SCAPER: variants seen among roughly 807,000 people sequenced by gnomAD.
SCAPER encodes the protein S-phase cyclin A associated protein in the ER.
Under a neutral mutation model 182.2 loss-of-function variants are expected in SCAPER, and 98 were observed. The ratio of observed to expected loss-of-function variants is 0.54; its 90% CI spans 0.46 to 0.64. SCAPER has a LOEUF of 0.64. Among genes scored for constraint, SCAPER ranks in the 30% least tolerant of loss-of-function variants. The pLI, the probability that SCAPER is intolerant of heterozygous loss-of-function variation, is 0.00. For missense variants in SCAPER, 1,432 were observed against 1,690.0 expected, an observed-to-expected ratio of 0.85 and a Z score of 2.68; for synonymous variants, 605 against 564.6, an observed-to-expected ratio of 1.07 and a Z score of -1.01.
chr15:76,849,921 A>AG (rs2070552620), intron 4 of SCAPER, among the ~76,000 whole-genome samples: 1 of 152,186 alleles, frequency 6.6e-6, no homozygotes, highest in African/African-American at 2.4e-5. Flanking sequence ...GGCAGGACAG[A>AG]GTGAGTGCCA....
At chr15:76,602,935 G>T (rs1597612771) in intron 22 of SCAPER, among the ~76,000 whole-genome samples, 3 of 92,150 alleles carry the variant, frequency 3.3e-5, no homozygotes, top group Non-Finnish European at 5.2e-5. Flanking sequence ...TTTAATTTGA[G>T]CTCATTTATT....
chr15:76,472,809 A>G (rs2143003596), intron 24 of SCAPER, among the ~76,000 whole-genome samples: 1 of 152,308 alleles, frequency 6.6e-6, no homozygotes, highest in Admixed American at 6.5e-5. Context: ...GACTCCCAGG[A>G]GGAGGGATTC....
chr15:76,751,137 A>T (rs913765258), intron 15 of SCAPER, among the ~76,000 whole-genome samples: 4 of 151,866 alleles, frequency 2.6e-5, no homozygotes, highest in African/African-American at 9.7e-5. Context: ...CATTAACAAT[A>T]GCACCAAAAA....
intron 27 of SCAPER, among the ~76,000 whole-genome samples, chr15:76,392,293 T>G (rs536489545): frequency 3.2e-4 from 48 of 152,322 alleles, no homozygotes; most frequent in African/African-American, 1.1e-3. Context: ...AAATGTGTTA[T>G]AATGAATACA....
At chr15:76,904,817 T>C (rs1325752711) in intron 1 of SCAPER, 1 of 152,272 alleles carries the variant, frequency 6.6e-6, no homozygotes, top group East Asian at 1.9e-4. Context: ...AGGGAAAGCA[T>C]GGTAAACCCC....
intron 27 of SCAPER, 36 bp from the exon 28 acceptor site, chr15:76,381,651 A>G (rs1293035353): frequency 1.3e-6 from 2 of 1,492,446 alleles, no homozygotes; most frequent in Non-Finnish European, 1.8e-6. Flanking sequence ...GAGAAAAACT[A>G]CTTAATGGAT....
At chr15:76,583,367 A>G (rs1225854417) in intron 22 of SCAPER, among the ~76,000 whole-genome samples, 3 of 151,710 alleles carry the variant, frequency 2.0e-5, no homozygotes, top group African/African-American at 7.3e-5. Context: ...AAAAAAAAAA[A>G]ACTTGAGTGT....
chr15:76,903,504 G>A (rs2152636324), intron 1 of SCAPER, among the ~76,000 whole-genome samples: 1 of 152,264 alleles, frequency 6.6e-6, no homozygotes, highest in South Asian at 2.1e-4. Context: ...GCCAGAGAGA[G>A]ACCCCTTCAC....
intron 23 of SCAPER, among the ~76,000 whole-genome samples, chr15:76,517,973 G>A (rs1303168453): frequency 2.0e-5 from 3 of 152,088 alleles, no homozygotes; most frequent in Non-Finnish European, 2.9e-5. Context: ...ACTATCACAA[G>A]TAAATAAAAA....
chr15:76,798,482 C>A (rs1178089705), intron 7 of SCAPER, among the ~76,000 whole-genome samples: 2 of 150,226 alleles, frequency 1.3e-5, no homozygotes, highest in Non-Finnish European at 3.0e-5. Flanking sequence ...GAGAAAGGGG[C>A]AGAAAAAAAA....
chr15:76,689,031 G>C (rs1474188242), intron 20 of SCAPER, among the ~76,000 whole-genome samples: 1 of 151,690 alleles, frequency 6.6e-6, no homozygotes, highest in Non-Finnish European at 1.5e-5. Flanking sequence ...TGTATTTTTA[G>C]TAGAGACAGG....
At chr15:76,678,002 T>G (rs548152453) in intron 20 of SCAPER, among the ~76,000 whole-genome samples, 1 of 152,028 alleles carries the variant, frequency 6.6e-6, no homozygotes, top group Admixed American at 6.6e-5. Flanking sequence ...TCAAGTGTTG[T>G]CTCAAACACA....
At chr15:76,437,346 T>C (rs1337865001) in intron 25 of SCAPER, among the ~76,000 whole-genome samples, 2 of 152,174 alleles carry the variant, frequency 1.3e-5, no homozygotes, top group Non-Finnish European at 2.9e-5. Flanking sequence ...CTTTCAATCA[T>C]GTGCTTTCCA....
At chr15:76,766,147 A>G (rs2063100707) in intron 11 of SCAPER, among the ~76,000 whole-genome samples, 1 of 151,970 alleles carries the variant, frequency 6.6e-6, no homozygotes, top group Non-Finnish European at 1.5e-5. Context: ...CCCAGGCTGG[A>G]GTGCAGTGGC....
Position 76,841,771 on chromosome 15 carries a change from A to G in SCAPER, c.356T>C (p.Val119Ala). 6.2e-7 allele frequency: 1 copy of G among 1,613,940 alleles called. No homozygotes were observed. Among genetic ancestry groups the G allele is most frequent in the Non-Finnish European group, 8.5e-7 (1 of 1,179,886 alleles). ...NLRRAVDEIY[V>A]TCESDQSVVE... The stretch of plus-strand genomic sequence containing the variant: ...CACACTCTGATCTGATTCGCAAGTT[A>G]CATAGATTTCATCTACTGCTCGGCG... The change falls in exon 5 of 32, where the codon GTA becomes GCA. Residue 119 changes from valine to alanine, a missense_variant. This residue lies in a region of SCAPER where 480 missense variants were observed against 510.2 expected (regional missense o/e 0.94). Transcript: ENST00000563290.
chr15:76,528,983 CT>C (rs2043412790), intron 23 of SCAPER, among the ~76,000 whole-genome samples: 1 of 152,198 alleles, frequency 6.6e-6, no homozygotes, highest in South Asian at 2.1e-4. Flanking sequence ...CAAATCGTAG[CT>C]TCATTGTAAC....
intron 1 of SCAPER, among the ~76,000 whole-genome samples, chr15:76,889,141 A>C (rs2074022785): frequency 1.3e-5 from 2 of 152,240 alleles, no homozygotes; most frequent in Non-Finnish European, 2.9e-5. Flanking sequence ...TGATTTTGTT[A>C]CCACCAGGCC....
At chr15:76,361,338 T>C (rs1275572782) in intron 29 of SCAPER, among the ~76,000 whole-genome samples, 2 of 152,178 alleles carry the variant, frequency 1.3e-5, no homozygotes, top group African/African-American at 4.8e-5. Context: ...CATCAAATAT[T>C]TGCTGAGCAT....
chr15:76,478,274 AACTT>A (rs1309665233), intron 24 of SCAPER, among the ~76,000 whole-genome samples: 1 of 152,052 alleles, frequency 6.6e-6, no homozygotes, highest in Non-Finnish European at 1.5e-5. Flanking sequence ...TTTTAAAAAT[AACTT>A]ACTAAGATTA....
Sources: allele counts gnomAD v4.1 joint callset (sites outside exome capture counted in the v4.1 genomes callset), GRCh38; gene constraint gnomAD v4.1.1; regional missense constraint gnomAD v4.1.1; transcripts MANE v1.5; gene names NCBI Gene and HGNC (gene_info 2026-07-23, HGNC 2026-07-21).